The following SBK1 variants were observed in gnomAD, a reference collection of about 807,000 sequenced individuals.
The protein encoded by SBK1 is serine/threonine-protein kinase SBK1.
Under a neutral mutation model 24.4 loss-of-function variants are expected in SBK1, and 11 were observed. The observed-to-expected ratio is 0.45, with a 90% CI of 0.28 to 0.75. The LOEUF (loss-of-function observed/expected upper bound fraction) is 0.75. Ranked by LOEUF, SBK1 falls within the 30% of genes least tolerant of loss-of-function variation. The pLI is 0.12. For synonymous variants in SBK1, 308 were observed against 284.4 expected (o/e 1.08, Z -0.83); for missense variants, 467 against 620.5 (o/e 0.75, Z 2.63).
At chr16:28,315,630 G>T (rs895556017) in intron 1 of SBK1, among the ~76,000 whole-genome samples, 1 of 152,246 alleles carries the variant, frequency 6.6e-6, no homozygotes, top group South Asian at 2.1e-4. Context: ...ATGTGGTGGC[G>T]CATGCTTGCA....
chr16:28,275,124 G>A (rs550250666), intron 1 of SBK1, among the ~76,000 whole-genome samples: 21 of 152,056 alleles, frequency 1.4e-4, no homozygotes, highest in Non-Finnish European at 2.9e-4. Context: ...GCTGAAGTTC[G>A]AAACCAGCCT....
At chr16:28,278,270 G>C (rs143740042) in intron 1 of SBK1, among the ~76,000 whole-genome samples, 1 of 152,228 alleles carries the variant, frequency 6.6e-6, no homozygotes, top group South Asian at 2.1e-4. Context: ...GGGAGAGCAG[G>C]GGGAGGTAGG....
At chr16:28,267,240 G>T (rs575602404) in intron 1 of SBK1, among the ~76,000 whole-genome samples, 1 of 152,028 alleles carries the variant, frequency 6.6e-6, no homozygotes, top group Non-Finnish European at 1.5e-5. Context: ...TGGGGTGGGG[G>T]GAGGCGGAGG....
intron 1 of SBK1, among the ~76,000 whole-genome samples, chr16:28,283,825 A>G (rs2044548006): frequency 6.6e-6 from 1 of 151,992 alleles, no homozygotes; most frequent in African/African-American, 2.4e-5. Flanking sequence ...CAGACATGTC[A>G]TTTCCCCACC....
At chr16:28,265,287 C>A in intron 1 of SBK1, among the ~76,000 whole-genome samples, 1 of 151,814 alleles carries the variant, frequency 6.6e-6, no homozygotes. Flanking sequence ...GGCATCATGG[C>A]GCATGTCTGT....
At position 28,293,148 on chromosome 16, in the gene SBK1, C is replaced by T. The variant is rs2044613724; in HGVS notation, c.-160C>T. On this transcript the variant is annotated 5_prime_UTR_variant, in exon 1 of 4. Coordinates refer to ENST00000341901, the MANE Select transcript of SBK1 (RefSeq NM_001024401.3). The stretch of plus-strand genomic sequence containing the variant: ...GCAAGAAGCCTCGGGGATCCCCCCC[C>T]TAAAGCTCCAGGACTTGGGCGACTG... 1.0e-6 allele frequency: 1 copy of T among 985,742 alleles called. No individual in the cohort carries two copies. The highest frequency in any genetic ancestry group is 1.2e-6 in the Non-Finnish European group (1 of 830,122). 61.1% of individuals were successfully genotyped at this position (985,742 alleles called of 1,614,324 possible).
At chr16:28,314,708 G>A (rs973969637) in intron 1 of SBK1, among the ~76,000 whole-genome samples, 4 of 152,116 alleles carry the variant, frequency 2.6e-5, no homozygotes, top group Admixed American at 1.3e-4. Flanking sequence ...GGCCAGGTGC[G>A]GTGGCTCACG....
At position 28,259,554 on chromosome 16, in the gene SBK1, G is replaced by C; in HGVS notation, c.257+52G>C. 2 of 566,424 alleles carry C rather than the reference G, an allele frequency of 3.5e-6. No homozygotes were observed. The highest frequency in any genetic ancestry group is 4.5e-6 in the Non-Finnish European group (2 of 447,376). 35.1% of individuals were successfully genotyped at this position (566,424 alleles called of 1,614,324 possible). On this transcript the variant is annotated intron_variant, in intron 1 of 3. Transcript: ENST00000671413. The surrounding 1 kb of genome is among the most constrained non-coding windows in gnomAD (Gnocchi z 6.0). The stretch of plus-strand genomic sequence containing the variant: ...TGGGCAGCAGGTGGGCACAGCGCTC[G>C]ACCCAGGGTGCCTGTGGGCCTGGCA...
intron 1 of SBK1, among the ~76,000 whole-genome samples, chr16:28,266,747 T>TA (rs2044431034): frequency 1.5e-5 from 2 of 137,078 alleles, no homozygotes; most frequent in Admixed American, 7.0e-5. Context: ...TTTTTTTTTT[T>TA]TAAAAAAAAA....
At chr16:28,308,624 T>G (rs147047068) in intron 1 of SBK1, among the ~76,000 whole-genome samples, 1 of 151,882 alleles carries the variant, frequency 6.6e-6, no homozygotes, top group African/African-American at 2.4e-5. Flanking sequence ...GATGGAGGTC[T>G]TGCTATGTTA....
intron 1 of SBK1, among the ~76,000 whole-genome samples, chr16:28,309,793 G>T (rs886297400): frequency 1.3e-5 from 2 of 152,198 alleles, no homozygotes; most frequent in African/African-American, 4.8e-5. Context: ...AGGACTCAAT[G>T]AATGAAATTT....
rs1419092580 is a variant in SBK1, at chr16:28,293,009, C to G, written c.-299C>G. Reference sequence around the variant, plus strand: ...GTCATTACAACTCCACACCTCAAGACAAGAAGACCCAGCTCAGAACGCCCC... The same window carrying G: ...GTCATTACAACTCCACACCTCAAGAGAAGAAGACCCAGCTCAGAACGCCCC... On this transcript the variant is annotated 5_prime_UTR_variant, in exon 1 of 4. Transcript: ENST00000341901. 1.1e-5 allele frequency: 11 copies of G among 985,572 alleles called. No individual in the cohort carries two copies. The African/African-American group carries it at 1.9e-4, about 17-fold the overall frequency. The allele number at this position is 985,572 out of a possible 1,614,324, so 61.1% of individuals were successfully genotyped here.
intron 1 of SBK1, among the ~76,000 whole-genome samples, chr16:28,279,724 C>T (rs368180321): frequency 4.1e-4 from 62 of 152,194 alleles, no homozygotes; most frequent in African/African-American, 1.5e-3. Flanking sequence ...AGACCACATT[C>T]CCCTGCCCTC....
At chr16:28,295,263 A>T (rs981636007) in intron 1 of SBK1, among the ~76,000 whole-genome samples, 1 of 152,158 alleles carries the variant, frequency 6.6e-6, no homozygotes, top group African/African-American at 2.4e-5. Context: ...CTGAGTCCAG[A>T]TAGTCTCTGG....
Position 28,320,022 on chromosome 16 carries a change from C to T in SBK1, c.430-54C>T. On this transcript the variant is annotated intron_variant, in intron 3 of 3. Transcript: ENST00000341901. The surrounding 1 kb of genome is among the most constrained non-coding windows in gnomAD (Gnocchi z 8.5). ...GAGAGGGAGCTGGAGGGGAGGGCGG[C>T]GGGGCGGGCGCTGGAGAGCTGGAAA... 7.1e-7 allele frequency: 1 copy of T among 1,402,052 alleles called. No homozygotes were observed. The allele number at this position is 1,402,052 out of a possible 1,614,324, so 86.9% of individuals were successfully genotyped here.
upstream of SBK1, chr16:28,292,130 G>A (rs374357247): frequency 3.3e-5 from 5 of 151,934 alleles, no homozygotes; most frequent in African/African-American, 9.7e-5. Context: ...AGCACAGACC[G>A]GGACAGTCTG....
intron 1 of SBK1, among the ~76,000 whole-genome samples, chr16:28,294,836 TC>T (rs1257501498): frequency 6.6e-6 from 1 of 152,236 alleles, no homozygotes; most frequent in Non-Finnish European, 1.5e-5. Flanking sequence ...TGGCAGCCTC[TC>T]CTGCCAATTT....
intron 1 of SBK1, among the ~76,000 whole-genome samples, chr16:28,308,547 C>T (rs1319319919): frequency 7.6e-6 from 1 of 131,230 alleles, no homozygotes; most frequent in East Asian, 2.6e-4. Context: ...CTCAGCCTCC[C>T]AAGTATCTGG....
intron 1 of SBK1, among the ~76,000 whole-genome samples, chr16:28,308,740 G>GGTGT (rs763015809): frequency 0.15 from 20,155 of 130,368 alleles, 1,686 homozygotes; most frequent in East Asian, 0.26. Flanking sequence ...CGTTCTTTGG[G>GGTGT]GTGTGTGTGT....
Sources: allele counts gnomAD v4.1 joint callset (sites outside exome capture counted in the v4.1 genomes callset), GRCh38; gene constraint gnomAD v4.1.1; non-coding constraint Gnocchi (gnomAD v3.1); transcripts MANE v1.5; gene names NCBI Gene and HGNC (gene_info 2026-07-23, HGNC 2026-07-21).